The following LIMS1 variants were observed in gnomAD, a reference collection of about 807,000 sequenced individuals.
The protein encoded by LIMS1 is LIM and senescent cell antigen-like-containing domain protein 1.
A neutral mutation model predicts 44.1 loss-of-function variants in LIMS1; 18 were observed. The ratio of observed to expected loss-of-function variants is 0.41; its 90% CI spans 0.28 to 0.61. LIMS1 has a LOEUF of 0.61. Ranked by LOEUF, LIMS1 falls within the 20% of genes least tolerant of loss-of-function variation. The pLI, the probability that LIMS1 is intolerant of heterozygous loss-of-function variation, is 0.32. For missense variants in LIMS1, 201 were observed against 422.0 expected (o/e 0.48, Z 4.59); for synonymous variants, 93 against 149.1 (o/e 0.62, Z 2.74).
At chr2:108,551,953 G>GTGTGTGTGTATATA (rs56703030) in intron 1 of LIMS1, among the ~76,000 whole-genome samples, 1 of 85,290 alleles carries the variant, frequency 1.2e-5, no homozygotes, top group Non-Finnish European at 2.6e-5. Context: ...GTGTGTGTGT[G>GTGTGTGTGTATATA]TATATATATA....
At chr2:108,606,869 A>G (rs1687298250) in intron 1 of LIMS1, among the ~76,000 whole-genome samples, 1 of 152,176 alleles carries the variant, frequency 6.6e-6, no homozygotes, top group Non-Finnish European at 1.5e-5. Context: ...AGTCTAGGGA[A>G]GTGGTTGGGA....
intron 1 of LIMS1, among the ~76,000 whole-genome samples, chr2:108,598,853 A>G (rs1008626605): frequency 6.6e-6 from 1 of 151,942 alleles, no homozygotes; most frequent in Non-Finnish European, 1.5e-5. Context: ...CTGTTTTCTC[A>G]AGGCTCTATA....
At chr2:108,590,123 C>G (rs1055490786) in intron 1 of LIMS1, among the ~76,000 whole-genome samples, 58 of 152,198 alleles carry the variant, frequency 3.8e-4, no homozygotes, top group African/African-American at 1.3e-3. Flanking sequence ...ATACAGTGGA[C>G]TTCCTAGAGA....
At chr2:108,549,180 A>C (rs1428515073) in intron 1 of LIMS1, among the ~76,000 whole-genome samples, 1 of 150,512 alleles carries the variant, frequency 6.6e-6, no homozygotes, top group East Asian at 2.0e-4. Flanking sequence ...GGTTTAGTGA[A>C]GTATATTTGT....
At chr2:108,683,052 C>G (rs1022084795) in intron 9 of LIMS1, among the ~76,000 whole-genome samples, 33 of 152,174 alleles carry the variant, frequency 2.2e-4, no homozygotes, top group African/African-American at 7.7e-4. Flanking sequence ...GTGTGTTGCT[C>G]TAGCTTTTCA....
chr2:108,597,548 T>C (rs1400220623), intron 1 of LIMS1, among the ~76,000 whole-genome samples: 3 of 152,224 alleles, frequency 2.0e-5, no homozygotes, highest in Admixed American at 2.0e-4. Context: ...TGTAGGTTCC[T>C]GTGTATGTGC....
chr2:108,553,867 A>G (rs185701695), intron 1 of LIMS1, among the ~76,000 whole-genome samples: 1 of 152,314 alleles, frequency 6.6e-6, no homozygotes, highest in East Asian at 1.9e-4. Context: ...GTGTATGGGG[A>G]AAACTGGGAT....
intron 1 of LIMS1, among the ~76,000 whole-genome samples, chr2:108,646,417 G>A (rs1459852435): frequency 6.6e-6 from 1 of 152,160 alleles, no homozygotes; most frequent in East Asian, 1.9e-4. Context: ...AAATAAAGAT[G>A]TTATTTGAAA....
At chr2:108,566,894 G>A (rs959050629) in intron 1 of LIMS1, among the ~76,000 whole-genome samples, 3 of 152,102 alleles carry the variant, frequency 2.0e-5, no homozygotes, top group Admixed American at 6.6e-5. Flanking sequence ...ACTGCACCTG[G>A]CCCATCGTAA....
intron 1 of LIMS1, among the ~76,000 whole-genome samples, chr2:108,634,892 G>C (rs746893234): frequency 5.9e-5 from 9 of 152,192 alleles, no homozygotes; most frequent in Non-Finnish European, 1.2e-4. Flanking sequence ...AAAGTTCACT[G>C]ATCGCCTCAG....
rs1023907756 is a variant in LIMS1, at chr2:108,585,508, G to A, written c.32+50914G>A. 3.3e-5 allele frequency among the ~76,000 whole-genome samples: 5 copies of A among 152,274 alleles called. No homozygotes were observed. In the South Asian group the frequency reaches 8.3e-4, roughly 25 times the overall value. On this transcript the variant is annotated intron_variant, in intron 1 of 9. Coordinates refer to ENST00000544547, the Ensembl canonical transcript of LIMS1. ...GTATGGAGACATCAGCAGACAATTT[G>A]ATGTATGATTGCGAAGTTTAAGAAG...
chr2:108,607,277 T>C (rs1180198168), intron 1 of LIMS1: 1 of 1,549,962 alleles, frequency 6.5e-7, no homozygotes, highest in Non-Finnish European at 8.7e-7. Flanking sequence ...TGCACAATAT[T>C]GAGCTGTTCC....
chr2:108,550,265 G>A (rs991470917), intron 1 of LIMS1, among the ~76,000 whole-genome samples: 3 of 151,954 alleles, frequency 2.0e-5, no homozygotes, highest in South Asian at 2.1e-4. Context: ...GGAGGTTTAG[G>A]TAGGAGGATC....
intron 9 of LIMS1, 138 bp from the exon 10 acceptor site, chr2:108,683,747 G>T (rs1011808598): frequency 5.3e-5 from 23 of 436,254 alleles, no homozygotes; most frequent in Non-Finnish European, 8.7e-5. Flanking sequence ...TAGGATTATG[G>T]TTTTTTTACT....
At chr2:108,673,102 C>T (rs1254243553) in intron 5 of LIMS1, 73 bp downstream of exon 5, 3 of 1,382,178 alleles carry the variant, frequency 2.2e-6, no homozygotes, top group Non-Finnish European at 3.0e-6. Flanking sequence ...ATTTCTGTTA[C>T]TCTAGCAAAC....
chr2:108,612,047 C>G (rs1558809290), intron 1 of LIMS1, among the ~76,000 whole-genome samples: 3 of 90,502 alleles, frequency 3.3e-5, no homozygotes, highest in Non-Finnish European at 2.1e-5. Flanking sequence ...CACACACACA[C>G]ACACACATAT....
chr2:108,665,521 A>T (rs1691689421), intron 2 of LIMS1, among the ~76,000 whole-genome samples: 1 of 151,820 alleles, frequency 6.6e-6, no homozygotes, highest in East Asian at 1.9e-4. Context: ...ATTTATTTTT[A>T]TTTTTTATTT....
At chr2:108,543,064 A>G (rs1370639489) in intron 1 of LIMS1, among the ~76,000 whole-genome samples, 1 of 152,252 alleles carries the variant, frequency 6.6e-6, no homozygotes, top group Non-Finnish European at 1.5e-5. Context: ...CAGCTGTAAT[A>G]GAGTGAAGGA....
At chr2:108,555,009 C>T (rs1283939022) in intron 1 of LIMS1, among the ~76,000 whole-genome samples, 1 of 152,158 alleles carries the variant, frequency 6.6e-6, no homozygotes, top group Admixed American at 6.6e-5. Context: ...TGCTGGCTGC[C>T]TATCAGCATC....
Sources: allele counts gnomAD v4.1 joint callset (sites outside exome capture counted in the v4.1 genomes callset), GRCh38; gene constraint gnomAD v4.1.1; transcripts MANE v1.5; gene names NCBI Gene and HGNC (gene_info 2026-07-23, HGNC 2026-07-21).